DCC: variants seen among roughly 807,000 people sequenced by gnomAD.
DCC encodes DCC netrin 1 receptor, also known as netrin receptor DCC.
DCC carries 58 observed loss-of-function variants against 172.5 expected under a neutral mutation model. The observed-to-expected ratio is 0.34, with a 90% CI of 0.27 to 0.42. DCC has a LOEUF of 0.42. Ranked by LOEUF, DCC falls within the 10% of genes least tolerant of loss-of-function variation. DCC has a pLI of 1.00. For missense variants in DCC, 1,740 were observed against 1,791.0 expected (o/e 0.97, Z 0.51); for synonymous variants, 709 against 644.5 (o/e 1.10, Z -1.52).
chr18:52,818,857 CTAGT>C (rs905768733), intron 2 of DCC, among the ~76,000 whole-genome samples: 1 of 152,210 alleles, frequency 6.6e-6, no homozygotes, highest in Non-Finnish European at 1.5e-5. Context: ...ATGACAGTGG[CTAGT>C]TAGAGAACAG....
At chr18:52,478,515 T>A (rs570180481) in intron 1 of DCC, among the ~76,000 whole-genome samples, 1 of 152,338 alleles carries the variant, frequency 6.6e-6, no homozygotes, top group South Asian at 2.1e-4. Context: ...CATTCTGTCA[T>A]TGCTATAAAG....
At chr18:53,372,721 A>T (rs2058071790) in intron 15 of DCC, among the ~76,000 whole-genome samples, 1 of 152,092 alleles carries the variant, frequency 6.6e-6, no homozygotes, top group African/African-American at 2.4e-5. Context: ...TTTCAAGAAT[A>T]GTAGTTGAAA....
chr18:52,957,550 C>A (rs1218624459), intron 5 of DCC, among the ~76,000 whole-genome samples: 1 of 152,058 alleles, frequency 6.6e-6, no homozygotes, highest in Non-Finnish European at 1.5e-5. Flanking sequence ...TTATCTCCTG[C>A]ATTTTATAGA....
intron 1 of DCC, among the ~76,000 whole-genome samples, chr18:52,485,912 AT>A (rs2030195639): frequency 6.6e-6 from 1 of 152,134 alleles, no homozygotes; most frequent in Admixed American, 6.6e-5. Flanking sequence ...ATATCATATA[AT>A]TTTTATGATA....
At chr18:53,490,822 G>A (rs999375802) in intron 26 of DCC, among the ~76,000 whole-genome samples, 13 of 152,152 alleles carry the variant, frequency 8.5e-5, no homozygotes, top group Admixed American at 1.3e-4. Flanking sequence ...TGCCTTAAGT[G>A]TCAGGCAGTT....
chr18:52,608,670 A>C (rs1410559948), intron 1 of DCC, among the ~76,000 whole-genome samples: 13 of 152,206 alleles, frequency 8.5e-5, no homozygotes, highest in Admixed American at 8.5e-4. Flanking sequence ...TGCCAACTTA[A>C]GGAACAATAA....
intron 7 of DCC, among the ~76,000 whole-genome samples, chr18:53,134,510 A>T (rs2144329442): frequency 6.6e-6 from 1 of 152,056 alleles, no homozygotes; most frequent in Non-Finnish European, 1.5e-5. Context: ...TATGAAGGAG[A>T]TTTGTTTTCA....
At chr18:52,399,466 A>G (rs1986356184) in intron 1 of DCC, among the ~76,000 whole-genome samples, 1 of 151,934 alleles carries the variant, frequency 6.6e-6, no homozygotes, top group Non-Finnish European at 1.5e-5. Context: ...GATCATCATG[A>G]AGCCCAACAT....
chr18:53,120,710 A>G (rs753680068), intron 7 of DCC, among the ~76,000 whole-genome samples: 2 of 151,922 alleles, frequency 1.3e-5, no homozygotes, highest in Non-Finnish European at 2.9e-5. Context: ...TGATAATTAT[A>G]TACTTGTTTT....
chr18:52,606,120 A>G (rs534642895), intron 1 of DCC, among the ~76,000 whole-genome samples: 1 of 152,200 alleles, frequency 6.6e-6, no homozygotes, highest in East Asian at 1.9e-4. Flanking sequence ...TAAATTTTCT[A>G]GAAGTCAGTG....
intron 5 of DCC, among the ~76,000 whole-genome samples, chr18:53,057,587 T>G (rs1270106396): frequency 6.6e-6 from 1 of 152,118 alleles, no homozygotes; most frequent in Non-Finnish European, 1.5e-5. Flanking sequence ...GGATTTTATT[T>G]TATTCCAGAG....
In DCC at chr18:53,090,732, A is replaced by AAAAAAAAAAAAAAAAATAAT. The variant is rs1568298492; in HGVS notation, c.1261+24568_1261+24569insAAAAAAAAAAAAAATAATAA. ...AAAAAAAAAAAAAAAAAAAAAAAAA[A>AAAAAAAAAAAAAAAAATAAT]AAGAATGTATCGTGTTTCTTGATGC... On this transcript the variant is annotated intron_variant, in intron 7 of 28. Coordinates refer to ENST00000442544, the MANE Select transcript of DCC (RefSeq NM_005215.4). 1.5e-5 allele frequency among the ~76,000 whole-genome samples: 2 copies of AAAAAAAAAAAAAAAAATAAT among 129,078 alleles called. 1 individual carries two copies. Among genetic ancestry groups the AAAAAAAAAAAAAAAAATAAT allele is most frequent in the African/African-American group, 5.9e-5 (2 of 34,040 alleles). The allele number at this position is 129,078 out of a possible 152,430, so 84.7% of individuals were successfully genotyped here. A position where few individuals can be genotyped will look rare whatever the true frequency, so the allele number is the denominator to read the frequency against.
At chr18:53,178,500 C>T (rs757493736) in intron 8 of DCC, among the ~76,000 whole-genome samples, 2 of 152,174 alleles carry the variant, frequency 1.3e-5, no homozygotes, top group Non-Finnish European at 2.9e-5. Context: ...GTTTTCCTTT[C>T]ATACAATGAG....
chr18:52,486,288 A>G (rs9959736), intron 1 of DCC, among the ~76,000 whole-genome samples: 4 of 152,120 alleles, frequency 2.6e-5, no homozygotes, highest in African/African-American at 9.7e-5. Flanking sequence ...GTTTAGAAAC[A>G]GGTCTTCAAG....
chr18:52,954,156 C>G (rs1042236133), intron 5 of DCC, among the ~76,000 whole-genome samples: 7 of 152,140 alleles, frequency 4.6e-5, no homozygotes, highest in Non-Finnish European at 1.0e-4. Context: ...CTGGCATACT[C>G]TCTTCATAAT....
intron 8 of DCC, among the ~76,000 whole-genome samples, chr18:53,162,901 A>C (rs1332456663): frequency 6.6e-6 from 1 of 152,180 alleles, no homozygotes; most frequent in Non-Finnish European, 1.5e-5. Context: ...CCACTGAGCT[A>C]TTCTCAGCAC....
chr18:53,450,574 A>C lies in DCC; in HGVS notation c.3304A>C (p.Ile1102Leu). 2 of 1,613,994 alleles carry C rather than the reference A, an allele frequency of 1.2e-6. No homozygotes were observed. Among genetic ancestry groups the C allele is most frequent in the Non-Finnish European group, 1.7e-6 (2 of 1,179,998 alleles). Residue 1102 changes from isoleucine (I) to leucine (L), a missense_variant, in exon 23 of 29, where the codon ATT (isoleucine) becomes CTT (leucine). Physicochemically the swap from Ile to Leu is conservative, Grantham distance 5. Transcript: ENST00000442544. ...GAAGAACAGCAACCTGCTTGTGATCATTGTGGTCACCGTTGGTGTCATCAC... is the reference window on the plus strand; with the variant it reads ...GAAGAACAGCAACCTGCTTGTGATCCTTGTGGTCACCGTTGGTGTCATCAC... ...PQKNSNLLVI[I>L]VVTVGVITVL...
chr18:53,393,442 T>G (rs868494700), intron 17 of DCC, among the ~76,000 whole-genome samples: 1 of 152,198 alleles, frequency 6.6e-6, no homozygotes, highest in Non-Finnish European at 1.5e-5. Flanking sequence ...TCCATCTCCT[T>G]ACAGTAGTAG....
At chr18:52,586,082 C>CAAAAAAAAAA (rs5824949) in intron 1 of DCC, among the ~76,000 whole-genome samples, 3 of 73,226 alleles carry the variant, frequency 4.1e-5, no homozygotes, top group Non-Finnish European at 7.2e-5. Flanking sequence ...GACTCCGTCT[C>CAAAAAAAAAA]AAAAAAAAAA....
Sources: allele counts gnomAD v4.1 joint callset (sites outside exome capture counted in the v4.1 genomes callset), GRCh38; gene constraint gnomAD v4.1.1; transcripts MANE v1.5; gene names NCBI Gene and HGNC (gene_info 2026-07-23, HGNC 2026-07-21).